The following ARHGAP20 variants were observed in gnomAD, a reference collection of about 807,000 sequenced individuals.
The protein encoded by ARHGAP20 is Rho GTPase activating protein 20.
ARHGAP20 carries 34 observed loss-of-function variants against 73.7 expected under a neutral mutation model. The observed-to-expected ratio is 0.46, with a 90% CI of 0.35 to 0.61. The LOEUF is 0.61. ARHGAP20 is among the 20% of genes least tolerant of loss of function. ARHGAP20 has a pLI of 0.00. For synonymous variants in ARHGAP20, 523 were observed against 518.2 expected, an observed-to-expected ratio of 1.01 and a Z score of -0.13; for missense variants, 1,314 against 1,420.9, an observed-to-expected ratio of 0.92 and a Z score of 1.21.
chr11:110,669,783 C>T (rs1949793140), intron 2 of ARHGAP20, among the ~76,000 whole-genome samples: 1 of 152,026 alleles, frequency 6.6e-6, no homozygotes, highest in African/African-American at 2.4e-5. Context: ...ACCTTACAAC[C>T]CAGCCATTCC....
In ARHGAP20 at chr11:110,595,874, C is replaced by T. The variant is rs1385605200; in HGVS notation, c.965-3719G>A. ...CAAAAGAACAAAGCTGGAGGCATCA[C>T]GCTACCTGACTTCAAACTATACTAC... On this transcript the variant is annotated intron_variant, in intron 9 of 14. Coordinates refer to ENST00000683387, the MANE Select transcript of ARHGAP20 (RefSeq NM_001384657.1). Among the ~76,000 whole-genome samples, 111 of 152,090 alleles carry T rather than the reference C, an allele frequency of 7.3e-4. No homozygotes were observed. In the South Asian group the frequency reaches 0.014, roughly 19 times the overall value.
At chr11:110,604,089 T>G (rs766360505) in intron 9 of ARHGAP20, among the ~76,000 whole-genome samples, 2 of 152,176 alleles carry the variant, frequency 1.3e-5, no homozygotes, top group African/African-American at 4.8e-5. Context: ...TCTCCTGTTA[T>G]GTAACACTTA....
chr11:110,600,235 T>G (rs55759620), intron 9 of ARHGAP20, among the ~76,000 whole-genome samples: 6,804 of 152,336 alleles, frequency 0.045, 223 homozygotes, highest in Non-Finnish European at 0.069. Context: ...AGATAAGAGC[T>G]GCAGCCCTTT....
chr11:110,707,770 A>C (rs1477412197), intron 1 of ARHGAP20, among the ~76,000 whole-genome samples: 1 of 152,054 alleles, frequency 6.6e-6, no homozygotes, highest in Non-Finnish European at 1.5e-5. Context: ...GAACACCCTA[A>C]TGCAGAATGA....
At chr11:110,655,414 A>G (rs966531631) in intron 2 of ARHGAP20, among the ~76,000 whole-genome samples, 5 of 152,052 alleles carry the variant, frequency 3.3e-5, no homozygotes, top group African/African-American at 1.2e-4. Flanking sequence ...AGCATGAGAG[A>G]CCTATATGTG....
At chr11:110,645,706 G>T (rs562294229) in intron 2 of ARHGAP20, among the ~76,000 whole-genome samples, 1 of 152,218 alleles carries the variant, frequency 6.6e-6, no homozygotes, top group Non-Finnish European at 1.5e-5. Context: ...CAATAGCAAA[G>T]ACAAAATCAG....
At chr11:110,693,496 C>T (rs938082145) in intron 1 of ARHGAP20, among the ~76,000 whole-genome samples, 1 of 151,980 alleles carries the variant, frequency 6.6e-6, no homozygotes, top group Non-Finnish European at 1.5e-5. Context: ...ATGAACCATA[C>T]ATTTAGGATT....
chr11:110,623,377 T>C (rs111564625), intron 4 of ARHGAP20, among the ~76,000 whole-genome samples: 98 of 152,310 alleles, frequency 6.4e-4, no homozygotes, highest in African/African-American at 2.2e-3. Context: ...ACAGGTGTGA[T>C]TGTGATTGTT....
At chr11:110,710,492 C>T (rs1197809908) in intron 1 of ARHGAP20, among the ~76,000 whole-genome samples, 2 of 152,022 alleles carry the variant, frequency 1.3e-5, no homozygotes, top group Non-Finnish European at 2.9e-5. Context: ...TGATTTTCTT[C>T]CAATTCCTTA....
chr11:110,596,305 A>C (rs1167597506), intron 9 of ARHGAP20, among the ~76,000 whole-genome samples: 1 of 150,670 alleles, frequency 6.6e-6, no homozygotes, highest in Non-Finnish European at 1.5e-5. Context: ...GGATCTAATT[A>C]AACTAAAGAG....
chr11:110,649,103 A>G (rs1591137373), intron 2 of ARHGAP20, among the ~76,000 whole-genome samples: 1 of 152,142 alleles, frequency 6.6e-6, no homozygotes, highest in Non-Finnish European at 1.5e-5. Context: ...GCAAACAAAA[A>G]TAAAGACAAG....
chr11:110,696,970 C>A (rs946421511), intron 1 of ARHGAP20, among the ~76,000 whole-genome samples: 1 of 151,582 alleles, frequency 6.6e-6, no homozygotes, highest in African/African-American at 2.4e-5. Flanking sequence ...ATTCAGTTAA[C>A]TGTTGATGGA....
In ARHGAP20 at chr11:110,590,736, G is replaced by A. The variant is rs747575496; in HGVS notation, c.1217C>T (p.Ser406Phe). 6.2e-7 allele frequency: 1 copy of A among 1,613,920 alleles called. No individual in the cohort carries two copies. The highest frequency in any genetic ancestry group is 1.1e-5 in the South Asian group (1 of 91,086). The change falls in exon 11 of 15, where the codon TCC (serine) becomes TTC (phenylalanine). Residue 406 changes from serine to phenylalanine, a missense_variant. Ser to Phe is a radical substitution (Grantham distance 155, BLOSUM62 -2). Transcript: ENST00000683387. ...GIFRQSANVK[S>F]CRELKEKLNS... ...CAATTTCTCTTTTAGTTCTCTGCAG[G>A]ATTTCACATTGGCTGATTGCCTGAA...
At chr11:110,636,805 AT>A (rs1316056321) in intron 2 of ARHGAP20, among the ~76,000 whole-genome samples, 1 of 151,962 alleles carries the variant, frequency 6.6e-6, no homozygotes, top group Non-Finnish European at 1.5e-5. Context: ...GTGTTTCTCA[AT>A]TTTATGACTC....
chr11:110,584,373 A>G (rs1947560812), intron 12 of ARHGAP20, among the ~76,000 whole-genome samples: 1 of 71,620 alleles, frequency 1.4e-5, no homozygotes, highest in South Asian at 6.5e-4. Context: ...AGCAAAAATG[A>G]CTACTATTAT....
intron 2 of ARHGAP20, among the ~76,000 whole-genome samples, chr11:110,635,266 T>C (rs1948941687): frequency 6.6e-6 from 1 of 152,104 alleles, no homozygotes; most frequent in African/African-American, 2.4e-5. Flanking sequence ...AGCATCATCA[T>C]CATCAACAGG....
chr11:110,610,722 A>G (rs906217698), intron 7 of ARHGAP20, among the ~76,000 whole-genome samples: 1 of 152,152 alleles, frequency 6.6e-6, no homozygotes, highest in South Asian at 2.1e-4. Context: ...AAAGTAAAAC[A>G]TGGAAGAATG....
Position 110,580,417 on chromosome 11 carries a change from C to A in ARHGAP20, c.2529G>T (p.Arg843=). ...ADALKGPRTH[R]RCSEPNIEDQ... is the part of the protein sequence containing the mutation. ...CTTCTATGTTGGGCTCTGAGCAGCG[C>A]CGATGTGTCCTTGGACCCTTGAGGG... The change falls in exon 15 of 15, where the codon CGG becomes CGT. Residue 843 remains arginine (R), a synonymous_variant. Transcript: ENST00000683387. 2 of 1,614,196 alleles carry A rather than the reference C, an allele frequency of 1.2e-6. No individual in the cohort carries two copies. The highest frequency in any genetic ancestry group is 1.7e-6 in the Non-Finnish European group (2 of 1,180,030).
intron 1 of ARHGAP20, among the ~76,000 whole-genome samples, chr11:110,711,133 G>A (rs973515824): frequency 6.6e-6 from 1 of 152,114 alleles, no homozygotes; most frequent in Admixed American, 6.5e-5. Flanking sequence ...GGCAGAGGCC[G>A]GCAGCCCGCG....
Sources: allele counts gnomAD v4.1 joint callset (sites outside exome capture counted in the v4.1 genomes callset), GRCh38; gene constraint gnomAD v4.1.1; transcripts MANE v1.5; gene names NCBI Gene and HGNC (gene_info 2026-07-23, HGNC 2026-07-21).